Variants in ARHGAP22 observed in about 807,000 individuals in gnomAD.
ARHGAP22 encodes rho GTPase-activating protein 22.
In ARHGAP22, 48 loss-of-function variants were observed where a neutral mutation model predicts 59.1. The ratio of observed to expected loss-of-function variants is 0.81; its 90% CI spans 0.64 to 1.03. ARHGAP22 has a LOEUF of 1.03. ARHGAP22 is among the 50% of genes least tolerant of loss of function. The pLI is 0.00. For missense variants in ARHGAP22, 1,015 were observed against 958.7 expected (o/e 1.06, Z -0.78); for synonymous variants, 445 against 416.4 (o/e 1.07, Z -0.84).
chr10:48,528,443 G>A (rs2054530254), intron 3 of ARHGAP22, among the ~76,000 whole-genome samples: 1 of 152,204 alleles, frequency 6.6e-6, no homozygotes, highest in Non-Finnish European at 1.5e-5. Context: ...AAGGCCCAAT[G>A]TGGGGCGGGG....
Position 48,446,222 on chromosome 10 carries a change from G to T in ARHGAP22, c.*169C>A. 1 of 666,200 alleles carries T rather than the reference G, an allele frequency of 1.5e-6. No homozygotes were observed. 41.3% of individuals were successfully genotyped at this position (666,200 alleles called of 1,614,324 possible). On this transcript the variant is annotated 3_prime_UTR_variant, in exon 10 of 10. Coordinates refer to ENST00000249601, the MANE Select transcript of ARHGAP22 (RefSeq NM_021226.4). ...TTGGAGCAGCATCTGATCCCACCTG[G>T]AGTGTGTGGGGTCCCAAAAGTCCCC...
At chr10:48,583,326 C>T (rs2059231375) in intron 1 of ARHGAP22, among the ~76,000 whole-genome samples, 174 bp from the exon 2 acceptor site, 1 of 152,256 alleles carries the variant, frequency 6.6e-6, no homozygotes. Flanking sequence ...GTTGGAGCAT[C>T]TGTGCAGCAG....
At chr10:48,588,332 T>A (rs150267972) in intron 1 of ARHGAP22, among the ~76,000 whole-genome samples, 1 of 152,238 alleles carries the variant, frequency 6.6e-6, no homozygotes, top group Non-Finnish European at 1.5e-5. Context: ...CAGATGCTAC[T>A]GAAGCTGCAA....
intron 1 of ARHGAP22, among the ~76,000 whole-genome samples, chr10:48,629,164 G>A (rs2061546533): frequency 6.6e-6 from 1 of 152,058 alleles, no homozygotes; most frequent in Non-Finnish European, 1.5e-5. Context: ...CCTTCCTAGG[G>A]GCAGCCACCA....
chr10:48,538,956 A>G (rs190960093), intron 3 of ARHGAP22, among the ~76,000 whole-genome samples: 1 of 152,376 alleles, frequency 6.6e-6, no homozygotes, highest in East Asian at 1.9e-4. Flanking sequence ...GCCAACAAAA[A>G]AGAAGGGAGG....
chr10:48,610,944 A>G (rs2060860134), intron 1 of ARHGAP22, among the ~76,000 whole-genome samples: 1 of 152,200 alleles, frequency 6.6e-6, no homozygotes, highest in Admixed American at 6.5e-5. Context: ...GCAGGCTCAG[A>G]GCGGCTTAGT....
At chr10:48,553,653 G>T (rs1271184914) in intron 3 of ARHGAP22, among the ~76,000 whole-genome samples, 2 of 152,180 alleles carry the variant, frequency 1.3e-5, no homozygotes, top group African/African-American at 4.8e-5. Context: ...GGTCCTCAAA[G>T]ATGTCCATCT....
At chr10:48,638,246 C>A (rs1012680260) in intron 1 of ARHGAP22, among the ~76,000 whole-genome samples, 4 of 152,118 alleles carry the variant, frequency 2.6e-5, no homozygotes, top group Non-Finnish European at 4.4e-5. Flanking sequence ...GTCTGTGCCA[C>A]GGGGAGATTC....
At chr10:48,444,524 G>C (rs2045279178), downstream of ARHGAP22, 1 of 152,242 alleles carries the variant, frequency 6.6e-6, no homozygotes, top group African/African-American at 2.4e-5. Context: ...GCATTCATGA[G>C]CTCCTATCCC....
intron 3 of ARHGAP22, among the ~76,000 whole-genome samples, chr10:48,489,406 T>C (rs948063073): frequency 6.6e-6 from 1 of 152,214 alleles, no homozygotes; most frequent in African/African-American, 2.4e-5. Flanking sequence ...CATTCTGTTT[T>C]CTCAATATAA....
intron 1 of ARHGAP22, among the ~76,000 whole-genome samples, chr10:48,642,701 C>T (rs1376464374): frequency 1.3e-5 from 2 of 152,122 alleles, no homozygotes; most frequent in Admixed American, 1.3e-4. Flanking sequence ...GTCTAAAACA[C>T]CAAAAGCAAT....
intron 3 of ARHGAP22, among the ~76,000 whole-genome samples, chr10:48,527,697 A>G (rs2054458188): frequency 1.3e-5 from 2 of 152,230 alleles, no homozygotes; most frequent in South Asian, 4.1e-4. Context: ...TTTGTCTGAA[A>G]AATCAAATTT....
intron 2 of ARHGAP22, among the ~76,000 whole-genome samples, chr10:48,566,231 C>T (rs770604054): frequency 9.8e-5 from 15 of 152,310 alleles, no homozygotes; most frequent in Middle Eastern, 3.4e-3. Context: ...AGAAAGCAAT[C>T]GCTCAGGGTT....
chr10:48,547,379 C>G (rs921138225), intron 3 of ARHGAP22, among the ~76,000 whole-genome samples: 2 of 152,248 alleles, frequency 1.3e-5, no homozygotes. Context: ...CCTCCTATTG[C>G]CTGCAGGATT....
intron 3 of ARHGAP22, among the ~76,000 whole-genome samples, chr10:48,491,693 G>A (rs922232642): frequency 2.6e-5 from 4 of 152,272 alleles, no homozygotes; most frequent in East Asian, 1.9e-4. Context: ...TGAAACCCTC[G>A]CGTAAGGCGG....
At chr10:48,476,190 C>G (rs531258238) in intron 4 of ARHGAP22, among the ~76,000 whole-genome samples, 1 of 152,190 alleles carries the variant, frequency 6.6e-6, no homozygotes, top group African/African-American at 2.4e-5. Flanking sequence ...AGAACATTTG[C>G]GAGTCCATTG....
intron 1 of ARHGAP22, among the ~76,000 whole-genome samples, chr10:48,647,094 A>G (rs1365180947): frequency 2.6e-5 from 4 of 152,200 alleles, no homozygotes; most frequent in African/African-American, 9.7e-5. Context: ...GCATGTTACC[A>G]AAGAAGACAT....
chr10:48,617,805 C>T (rs1326516177), intron 1 of ARHGAP22, among the ~76,000 whole-genome samples: 1 of 151,822 alleles, frequency 6.6e-6, no homozygotes, highest in African/African-American at 2.4e-5. Flanking sequence ...ACAAACCAAA[C>T]CCCAAATTAG....
intron 3 of ARHGAP22, among the ~76,000 whole-genome samples, chr10:48,519,293 T>C (rs1207949474): frequency 6.6e-6 from 1 of 152,208 alleles, no homozygotes. Context: ...ACAGCATTCC[T>C]GCCCAGGTCC....
Sources: allele counts gnomAD v4.1 joint callset (sites outside exome capture counted in the v4.1 genomes callset), GRCh38; gene constraint gnomAD v4.1.1; transcripts MANE v1.5; gene names NCBI Gene and HGNC (gene_info 2026-07-23, HGNC 2026-07-21).